The following TDP1 variants were observed in gnomAD, a reference collection of about 807,000 sequenced individuals.
TDP1 encodes tyrosyl-DNA phosphodiesterase 1.
A neutral mutation model predicts 81.5 loss-of-function variants in TDP1; 64 were observed. The ratio of observed to expected loss-of-function variants is 0.79; its 90% CI spans 0.64 to 0.97. The LOEUF (loss-of-function observed/expected upper bound fraction) is 0.97. Ranked by LOEUF, TDP1 falls within the 50% of genes least tolerant of loss-of-function variation. The probability of loss-of-function intolerance (pLI) is 0.00; values close to 1 mark genes in which losing one functional copy is unlikely to be tolerated. For missense variants in TDP1, 723 were observed against 743.8 expected (o/e 0.97, Z 0.33); for synonymous variants, 256 against 264.3 (o/e 0.97, Z 0.30).
In TDP1 at chr14:89,991,545, G is replaced by A. The variant is rs1006672285; in HGVS notation, c.1367-372G>A. On this transcript the variant is annotated intron_variant, in intron 12 of 16. Coordinates refer to ENST00000335725, the MANE Select transcript of TDP1 (RefSeq NM_018319.4). The stretch of plus-strand genomic sequence containing the variant: ...TGTGTTCATAATTCTTGCTCTGAAT[G>A]TTGAATGGGTTTCTAAAAAGTGATT... 3 of 983,934 alleles carry A rather than the reference G, an allele frequency of 3.0e-6. No individual in the cohort carries two copies. In the African/African-American group the frequency reaches 5.2e-5, roughly 17 times the overall value. 61.0% of individuals were successfully genotyped at this position (983,934 alleles called of 1,614,324 possible). A position where few individuals can be genotyped will look rare whatever the true frequency, so the allele number is the denominator to read the frequency against.
At chr14:89,979,997 T>G (rs983786000) in intron 7 of TDP1, 1 of 215,938 alleles carries the variant, frequency 4.6e-6, no homozygotes, top group Non-Finnish European at 7.9e-6. Flanking sequence ...TGAAGCATCT[T>G]TTAAACTTCT....
intron 15 of TDP1, among the ~76,000 whole-genome samples, chr14:90,029,078 A>G (rs1157379825): frequency 6.6e-6 from 1 of 152,148 alleles, no homozygotes; most frequent in Non-Finnish European, 1.5e-5. Flanking sequence ...TAAATTTTCA[A>G]GGAATTCTTC....
chr14:90,000,863 C>A (rs930960079), intron 14 of TDP1, among the ~76,000 whole-genome samples: 1 of 152,192 alleles, frequency 6.6e-6, no homozygotes, highest in African/African-American at 2.4e-5. Flanking sequence ...TCTGTACTTT[C>A]TTGGAGCCAA....
At chr14:89,988,057 C>T (rs1008060085) in intron 10 of TDP1, among the ~76,000 whole-genome samples, 5 of 152,010 alleles carry the variant, frequency 3.3e-5, no homozygotes, top group African/African-American at 7.3e-5. Flanking sequence ...TAGAGCAGCT[C>T]GCTGAACTCA....
chr14:89,963,099 C>G lies in TDP1; in HGVS notation c.-7-9C>G, dbSNP rs757058588. On this transcript the variant is annotated splice_polypyrimidine_tract_variant and intron_variant, in intron 2 of 16. Coordinates refer to ENST00000335725, the MANE Select transcript of TDP1 (RefSeq NM_018319.4). ...GGGAAATGCTGATGTTTCCACTTTT[C>G]ATTTCCAGGAGTATAATGTCTCAGG... 1 of 1,614,000 alleles carries G rather than the reference C, an allele frequency of 6.2e-7. No individual in the cohort carries two copies. The highest frequency in any genetic ancestry group is 8.5e-7 in the Non-Finnish European group (1 of 1,179,980).
At chr14:89,996,450 A>G (rs1293043724) in intron 14 of TDP1, among the ~76,000 whole-genome samples, 3 of 152,048 alleles carry the variant, frequency 2.0e-5, no homozygotes, top group Non-Finnish European at 4.4e-5. Flanking sequence ...GTTGCTGTTC[A>G]TCTTTTAAGA....
Position 90,013,936 on chromosome 14 carries a change from T to C in TDP1, c.1542-5380T>C, listed in dbSNP as rs1765816348. 2.6e-5 allele frequency among the ~76,000 whole-genome samples: 4 copies of C among 152,320 alleles called. No homozygotes were observed. The South Asian group carries it at 8.3e-4, about 32-fold the overall frequency. ...TTCTGCCATGATTGTGAAGCCTCCC[T>C]AGCCATGTGGAACTGTGAGTCCATT... On this transcript the variant is annotated intron_variant, in intron 14 of 16. Coordinates refer to ENST00000335725, the MANE Select transcript of TDP1 (RefSeq NM_018319.4).
chr14:89,993,541 G>T (rs1364128528), intron 14 of TDP1, 58 bp downstream of exon 14: 23 of 1,590,030 alleles, frequency 1.4e-5, no homozygotes, highest in Non-Finnish European at 1.8e-5. Flanking sequence ...CATAATTCTT[G>T]CTCTGAATGT....
intron 14 of TDP1, among the ~76,000 whole-genome samples, chr14:90,008,171 T>G (rs1884272801): frequency 6.6e-6 from 1 of 152,226 alleles, no homozygotes; most frequent in South Asian, 2.1e-4. Context: ...CTATTATCAT[T>G]AAGCATATTG....
At chr14:90,028,335 C>T (rs569891926) in intron 15 of TDP1, among the ~76,000 whole-genome samples, 1 of 152,212 alleles carries the variant, frequency 6.6e-6, no homozygotes, top group Non-Finnish European at 1.5e-5. Context: ...GGTTGCTACT[C>T]GGATAGCTGC....
intron 11 of TDP1, 31 bp downstream of exon 11, chr14:89,989,121 CT>C (rs1415339704): frequency 6.5e-7 from 1 of 1,534,998 alleles, no homozygotes; most frequent in Non-Finnish European, 8.9e-7. Flanking sequence ...AGGTAGTTTA[CT>C]TTTATTCTCT....
intron 10 of TDP1, among the ~76,000 whole-genome samples, chr14:89,985,571 C>T (rs8021262): frequency 0.02 from 3,120 of 152,256 alleles, 100 homozygotes; most frequent in African/African-American, 0.071. Context: ...TGAGTAAAGA[C>T]TACAACTGAG....
chr14:90,018,909 A>G (rs1885634399), intron 14 of TDP1: 1 of 944,086 alleles, frequency 1.1e-6, no homozygotes, highest in Admixed American at 6.2e-5. Flanking sequence ...AAAAGGAAAT[A>G]TGAAGCTTAA....
chr14:89,978,038 A>C (rs1894553767), intron 7 of TDP1, among the ~76,000 whole-genome samples: 1 of 152,242 alleles, frequency 6.6e-6, no homozygotes, highest in Non-Finnish European at 1.5e-5. Context: ...GGTGGTGGCC[A>C]GTAGCAAACC....
At chr14:90,006,419 C>T (rs1457765597) in intron 14 of TDP1, among the ~76,000 whole-genome samples, 4 of 152,156 alleles carry the variant, frequency 2.6e-5, no homozygotes, top group African/African-American at 9.7e-5. Context: ...CACGCTGTCA[C>T]TCAGGCTGGA....
intron 14 of TDP1, among the ~76,000 whole-genome samples, chr14:90,009,712 A>G (rs1884472887): frequency 6.6e-6 from 1 of 152,280 alleles, no homozygotes; most frequent in African/African-American, 2.4e-5. Context: ...ATGACTGTGC[A>G]TTTGTAAAAC....
intron 14 of TDP1, chr14:90,019,004 G>A: frequency 2.0e-6 from 2 of 984,416 alleles, no homozygotes; most frequent in East Asian, 2.3e-4. Context: ...GCTACTCCAG[G>A]ATCGTGAAAA....
rs1209415084 is a variant in TDP1, at chr14:90,003,621, A to G, written c.1541+10138A>G. Among the ~76,000 whole-genome samples, 5 of 152,216 alleles carry G rather than the reference A, an allele frequency of 3.3e-5. No homozygotes were observed. The East Asian group carries it at 5.8e-4, about 18-fold the overall frequency. On this transcript the variant is annotated intron_variant, in intron 14 of 16. Transcript: ENST00000335725. ...TGCCTAGGTGTAATTGGCAAACCCAATGAGAACAGTTACGAAAGTTGTGTA... is the reference window on the plus strand; with the variant it reads ...TGCCTAGGTGTAATTGGCAAACCCAGTGAGAACAGTTACGAAAGTTGTGTA...
At chr14:90,016,309 C>T (rs1448218910) in intron 14 of TDP1, among the ~76,000 whole-genome samples, 1 of 152,162 alleles carries the variant, frequency 6.6e-6, no homozygotes, top group Non-Finnish European at 1.5e-5. Context: ...TCCCAAAGTG[C>T]TGGGATTACA....
Sources: allele counts gnomAD v4.1 joint callset (sites outside exome capture counted in the v4.1 genomes callset), GRCh38; gene constraint gnomAD v4.1.1; transcripts MANE v1.5; gene names NCBI Gene and HGNC (gene_info 2026-07-23, HGNC 2026-07-21).